Variants in BRD9 observed in about 807,000 individuals in gnomAD.
BRD9 encodes the protein bromodomain-containing protein 9.
A neutral mutation model predicts 68.7 loss-of-function variants in BRD9; 47 were observed. That is an observed-to-expected ratio of 0.68 (90% CI 0.54 to 0.87). The LOEUF (loss-of-function observed/expected upper bound fraction) is 0.87. BRD9 is among the 40% of genes least tolerant of loss of function. The pLI is 0.00. For synonymous variants in BRD9, 313 were observed against 293.9 expected (o/e 1.06, Z -0.67); for missense variants, 670 against 748.4 (o/e 0.90, Z 1.22).
At chr5:888,599 G>A (rs981267121) in intron 5 of BRD9, among the ~76,000 whole-genome samples, 3 of 152,184 alleles carry the variant, frequency 2.0e-5, no homozygotes, top group Admixed American at 6.5e-5. Flanking sequence ...AGAGCTAAGA[G>A]CAAAGTACTC....
chr5:880,996 G>A (rs1352173683), intron 9 of BRD9, 111 bp downstream of exon 9: 3 of 1,120,952 alleles, frequency 2.7e-6, no homozygotes, highest in Non-Finnish European at 3.9e-6. Flanking sequence ...AAGCCGGGCA[G>A]CCTCTCATGC....
chr5:872,618 G>C (rs963785974), intron 12 of BRD9, among the ~76,000 whole-genome samples: 2 of 152,218 alleles, frequency 1.3e-5, no homozygotes, highest in Non-Finnish European at 1.5e-5. Flanking sequence ...GCTCTGCAGA[G>C]GGGGCTGCTC....
In BRD9 at chr5:870,575, C is replaced by G; in HGVS notation, c.1423G>C (p.Val475Leu). 1 of 1,608,832 alleles carries G rather than the reference C, an allele frequency of 6.2e-7. No homozygotes were observed. The highest frequency in any genetic ancestry group is 2.2e-5 in the East Asian group (1 of 44,840). The change falls in exon 14 of 16, where the codon GTT becomes CTT. Residue 475 changes from valine to leucine, a missense_variant and splice_region_variant. Physicochemically the swap from Val to Leu is conservative, Grantham distance 32. Transcript: ENST00000467963. ...CTGCTGTCTCCTAGGGTGTCCCCAA[C>G]CTGTGGAGACAGACACACATCAAGA... Reference protein sequence around the residue: ...VPMKPPDEAKVGDTLGDSSSS... With the variant: ...VPMKPPDEAKLGDTLGDSSSS...
At chr5:875,110 A>G (rs1274185582) in intron 12 of BRD9, among the ~76,000 whole-genome samples, 1 of 152,224 alleles carries the variant, frequency 6.6e-6, no homozygotes, top group African/African-American at 2.4e-5. Context: ...AAAGTTCAAA[A>G]GCTCCTAGAG....
intron 14 of BRD9, chr5:866,164 G>C (rs1749354051): frequency 6.6e-6 from 1 of 152,338 alleles, no homozygotes; most frequent in East Asian, 1.9e-4. Flanking sequence ...ACCCTCCCCG[G>C]GGTGACTCTG....
intron 7 of BRD9, among the ~76,000 whole-genome samples, chr5:885,531 CCAGACGGTCCCTGA>C (rs1458114814): frequency 3.3e-5 from 5 of 152,372 alleles, no homozygotes; most frequent in African/African-American, 1.2e-4. Context: ...AGTACCAACT[CCAGACGGTCCCTGA>C]CTTCCCACAA....
At chr5:865,864 C>A (rs2150546787) in intron 14 of BRD9, 1 of 322,458 alleles carries the variant, frequency 3.1e-6, no homozygotes, top group Non-Finnish European at 5.7e-6. Context: ...CGCACAGACA[C>A]CGTGGAGGGA....
chr5:886,935 C>T (rs1254741620), intron 6 of BRD9: 9 of 668,890 alleles, frequency 1.3e-5, no homozygotes, highest in Admixed American at 6.1e-5. Flanking sequence ...ACCGCCAGAG[C>T]GCGGCAGGTG....
At chr5:890,430 C>T (rs1285357732) in intron 3 of BRD9, among the ~76,000 whole-genome samples, 1 of 152,172 alleles carries the variant, frequency 6.6e-6, no homozygotes, top group East Asian at 1.9e-4. Context: ...TGGGAAGAGA[C>T]ACCCCTTGTC....
intron 5 of BRD9, 30 bp downstream of exon 5, chr5:888,991 C>A (rs777635239): frequency 1.3e-6 from 2 of 1,596,828 alleles, no homozygotes; most frequent in South Asian, 2.3e-5. Context: ...AACTATGCCA[C>A]GATTACTTCG....
chr5:870,910 T>C (rs1439023439), intron 13 of BRD9, among the ~76,000 whole-genome samples: 1 of 152,224 alleles, frequency 6.6e-6, no homozygotes, highest in Non-Finnish European at 1.5e-5. Context: ...CAGGACTATT[T>C]CTCAGGCACT....
At chr5:869,094 G>C in intron 14 of BRD9, 1 of 298,968 alleles carries the variant, frequency 3.3e-6, no homozygotes, top group Non-Finnish European at 6.5e-6. Context: ...ATTTCCTAGA[G>C]TGACTCACAG....
In BRD9 at chr5:892,708, G is replaced by C. The variant is rs950384225; in HGVS notation, c.-51C>G. The C allele has an allele frequency of 1.5e-6, 2 of 1,324,902 alleles. No homozygotes were observed. The highest frequency in any genetic ancestry group is 1.5e-5 in the African/African-American group (1 of 64,658). 82.1% of individuals were successfully genotyped at this position (1,324,902 alleles called of 1,614,324 possible). A position where few individuals can be genotyped will look rare whatever the true frequency, so the allele number is the denominator to read the frequency against. Reference sequence around the variant, plus strand: ...CGGGGGCTGGGAACAGCTGGCACCCGGTCGGACCTTGGCCGCCACCGCCCC... The same window carrying C: ...CGGGGGCTGGGAACAGCTGGCACCCCGTCGGACCTTGGCCGCCACCGCCCC... On this transcript the variant is annotated 5_prime_UTR_variant, in exon 1 of 16. Transcript: ENST00000467963.
intron 14 of BRD9, among the ~76,000 whole-genome samples, chr5:868,450 C>T (rs917281172): frequency 1.3e-5 from 2 of 152,262 alleles, no homozygotes; most frequent in Non-Finnish European, 2.9e-5. Flanking sequence ...GCTGTCACAG[C>T]GGCCTGGGGC....
At position 878,345 on chromosome 5, in the gene BRD9, C is replaced by A. The variant is rs112921031; in HGVS notation, c.1271+10G>T. On this transcript the variant is annotated intron_variant, in intron 11 of 15. Transcript: ENST00000467963. The stretch of plus-strand genomic sequence containing the variant: ...ACAGCAGCCAAGGGCTCCCCGGGGC[C>A]GACACTTGCCTCAGCGCACACTGCA... 3 of 1,545,308 alleles carry A rather than the reference C, an allele frequency of 1.9e-6. No individual in the cohort carries two copies. Among genetic ancestry groups the A allele is most frequent in the Non-Finnish European group, 2.7e-6 (3 of 1,125,472 alleles).
intron 14 of BRD9, chr5:870,214 G>C (rs1384450769): frequency 2.5e-6 from 1 of 404,902 alleles, no homozygotes; most frequent in Non-Finnish European, 4.5e-6. Context: ...AGCCACTGGG[G>C]ATCGGCCAGA....
At chr5:866,841 A>C (rs1282808304) in intron 14 of BRD9, among the ~76,000 whole-genome samples, 1 of 152,226 alleles carries the variant, frequency 6.6e-6, no homozygotes, top group African/African-American at 2.4e-5. Context: ...ACTTATATTT[A>C]AAAGGGAAGC....
At chr5:869,290 A>G (rs1340678127) in intron 14 of BRD9, 4 of 456,168 alleles carry the variant, frequency 8.8e-6, no homozygotes, top group South Asian at 6.2e-5. Flanking sequence ...GACCAGCATT[A>G]ACTTTAAAAC....
chr5:886,868 C>A, intron 6 of BRD9, 161 bp from the exon 7 acceptor site: 9 of 1,293,654 alleles, frequency 7.0e-6, no homozygotes, highest in Non-Finnish European at 4.2e-6. Flanking sequence ...CCTCACCTGG[C>A]CTAAGAGCTA....
Sources: allele counts gnomAD v4.1 joint callset (sites outside exome capture counted in the v4.1 genomes callset), GRCh38; gene constraint gnomAD v4.1.1; transcripts MANE v1.5; gene names NCBI Gene and HGNC (gene_info 2026-07-23, HGNC 2026-07-21).